Variants in MGST1 observed in about 807,000 individuals in gnomAD.
The protein encoded by MGST1 is microsomal glutathione S-transferase 1, also known as glutathione S-transferase 12.
Under a neutral mutation model 8.9 loss-of-function variants are expected in MGST1, and 5 were observed. The ratio of observed to expected loss-of-function variants is 0.56; its 90% CI spans 0.29 to 1.19. The LOEUF (loss-of-function observed/expected upper bound fraction) is 1.19. MGST1 is among the 50% of genes most tolerant of loss of function. The pLI, the probability that MGST1 is intolerant of heterozygous loss-of-function variation, is 0.08. For missense variants in MGST1, 182 were observed against 187.4 expected, an observed-to-expected ratio of 0.97 and a Z score of 0.17; for synonymous variants, 54 against 67.8, an observed-to-expected ratio of 0.80 and a Z score of 1.00.
Position 16,555,969 on chromosome 12 carries a change from C to T in MGST1, n.483-33559C>T, listed in dbSNP as rs193072279. 2.1e-3 allele frequency among the ~76,000 whole-genome samples: 322 copies of T among 152,208 alleles called. No individual in the cohort carries two copies. Among genetic ancestry groups the T allele is most frequent in the Non-Finnish European group, 3.5e-3 (240 of 68,008 alleles). On this transcript the variant is annotated intron_variant and non_coding_transcript_variant, in intron 4 of 4. Transcript: ENST00000538857. This position sits in a 1 kb window ranked among gnomAD's most constrained non-coding sequence, Gnocchi z 5.5. ...ATGGCTCTCTCTTCCCTCAGTATAGCTCTATTTAGCATCGATTACACTCTT... is the reference window on the plus strand; with the variant it reads ...ATGGCTCTCTCTTCCCTCAGTATAGTTCTATTTAGCATCGATTACACTCTT...
chr12:16,571,021 C>T lies in MGST1; in HGVS notation n.483-18507C>T, dbSNP rs1047720892. ...CACATTGTGCACATGTACCCTAAAA[C>T]TTAAAGTATAATAATAATAAATTTT... On this transcript the variant is annotated intron_variant and non_coding_transcript_variant, in intron 4 of 4. Coordinates refer to the MGST1 transcript ENST00000538857. Among the ~76,000 whole-genome samples the T allele has an allele frequency of 4.3e-4, 66 of 151,990 alleles. 1 individual carries two copies. The highest frequency in any genetic ancestry group is 4.4e-5 in the Non-Finnish European group (3 of 67,966).
At chr12:16,433,773 T>C (rs995104400) in intron 1 of MGST1, among the ~76,000 whole-genome samples, 1 of 151,978 alleles carries the variant, frequency 6.6e-6, no homozygotes, top group Middle Eastern at 3.2e-3. Flanking sequence ...CACATACACA[T>C]CCCAATCCAA....
chr12:16,580,753 G>C (rs906209150), intron 4 of MGST1, among the ~76,000 whole-genome samples: 2 of 152,164 alleles, frequency 1.3e-5, no homozygotes, highest in African/African-American at 4.8e-5. Flanking sequence ...GTAGGTTCTG[G>C]TAGAATCATG....
intron 4 of MGST1, among the ~76,000 whole-genome samples, chr12:16,566,117 C>A (rs1344200433): frequency 6.9e-6 from 1 of 144,738 alleles, no homozygotes. Context: ...TGGAGGGCAT[C>A]ATGTTAAATG....
At chr12:16,356,649 G>A (rs901862490) in intron 2 of MGST1, among the ~76,000 whole-genome samples, 5 of 152,300 alleles carry the variant, frequency 3.3e-5, no homozygotes, top group Non-Finnish European at 7.4e-5. Context: ...CAAGTTTCAA[G>A]GGATGGGGAA....
intron 2 of MGST1, among the ~76,000 whole-genome samples, chr12:16,357,200 T>G (rs759566905): frequency 9.2e-5 from 14 of 152,234 alleles, no homozygotes; most frequent in Non-Finnish European, 2.1e-4. Flanking sequence ...TGTCTATATT[T>G]CTTCCACTAA....
At chr12:16,357,328 C>G (rs1160889345) in intron 2 of MGST1, among the ~76,000 whole-genome samples, 1 of 152,152 alleles carries the variant, frequency 6.6e-6, no homozygotes, top group African/African-American at 2.4e-5. Flanking sequence ...GGTGCAATCA[C>G]AGCTCACTGC....
rs1942155201 is a variant in MGST1, at chr12:16,555,340, CT to C, written n.483-34186del. ...GCTTATTCTGATGTTTCCCAAAGCA[CT>C]TATTTATTGGTGTATTGTTTATTTT... On this transcript the variant is annotated intron_variant and non_coding_transcript_variant, in intron 4 of 4. Transcript: ENST00000538857. This position sits in a 1 kb window ranked among gnomAD's most constrained non-coding sequence, Gnocchi z 5.5. Among the ~76,000 whole-genome samples, 1 of 152,152 alleles carries C rather than the reference CT, an allele frequency of 6.6e-6. No homozygotes were observed. The highest frequency in any genetic ancestry group is 1.5e-5 in the Non-Finnish European group (1 of 68,020).
exon 2 of MGST1, chr12:16,437,484 T>G (rs1940997194): frequency 6.6e-6 from 1 of 151,974 alleles, no homozygotes; most frequent in African/African-American, 2.4e-5. Context: ...CTCAACATTC[T>G]GCAGTCTTCA....
rs926074846 is a variant in MGST1 at position 16,584,139 on chromosome 12, G to A, written n.483-5389G>A. 1.3e-5 allele frequency among the ~76,000 whole-genome samples: 2 copies of A among 152,176 alleles called. No individual in the cohort carries two copies. Among genetic ancestry groups the A allele is most frequent in the Non-Finnish European group, 2.9e-5 (2 of 68,030 alleles). On this transcript the variant is annotated intron_variant and non_coding_transcript_variant, in intron 4 of 4. Transcript: ENST00000538857. This position sits in a 1 kb window ranked among gnomAD's most constrained non-coding sequence, Gnocchi z 5.2. The stretch of plus-strand genomic sequence containing the variant: ...TTTAGAATCCCTAGAATTGTGGTAA[G>A]AGGGAAATGACAGCAGTGAGTAGGG...
chr12:16,355,025 G>A (rs1013240821), intron 2 of MGST1, among the ~76,000 whole-genome samples: 4 of 151,916 alleles, frequency 2.6e-5, no homozygotes, highest in African/African-American at 7.2e-5. Flanking sequence ...CTTGAAGCGC[G>A]TAGAGCGAGG....
At chr12:16,428,350 C>T (rs931093204) in intron 1 of MGST1, among the ~76,000 whole-genome samples, 4 of 151,684 alleles carry the variant, frequency 2.6e-5, no homozygotes, top group Non-Finnish European at 5.9e-5. Context: ...AAGTAAAGTG[C>T]ATTTTCCTAA....
At chr12:16,465,051 G>T (rs556283963) in intron 4 of MGST1, among the ~76,000 whole-genome samples, 1 of 152,286 alleles carries the variant, frequency 6.6e-6, no homozygotes, top group East Asian at 1.9e-4. Flanking sequence ...GAAGAGAAGT[G>T]TGCATGACCA....
exon 2 of MGST1, chr12:16,438,481 G>T (rs1354546161): frequency 6.6e-6 from 1 of 151,828 alleles, no homozygotes; most frequent in Non-Finnish European, 1.5e-5. Context: ...GGTGATTTTA[G>T]GGGTTAACAT....
intron 4 of MGST1, among the ~76,000 whole-genome samples, chr12:16,460,695 C>A (rs1191123289): frequency 6.6e-6 from 1 of 151,090 alleles, no homozygotes; most frequent in Non-Finnish European, 1.5e-5. Flanking sequence ...GCTCCATCAT[C>A]AACAATGTTA....
In MGST1 at chr12:16,482,389, T is replaced by A. The variant is rs1368841089; in HGVS notation, n.482+98785T>A. Among the ~76,000 whole-genome samples, 2 of 152,072 alleles carry A rather than the reference T, an allele frequency of 1.3e-5. No homozygotes were observed. Among genetic ancestry groups the A allele is most frequent in the Non-Finnish European group, 2.9e-5 (2 of 68,010 alleles). ...GGCTCACGCCTGTAATCTTAGCACT[T>A]TAGGAGGCCAAGACAGGTGGATCAC... On this transcript the variant is annotated intron_variant and non_coding_transcript_variant, in intron 4 of 4. Transcript: ENST00000538857. This position sits in a 1 kb window ranked among gnomAD's most constrained non-coding sequence, Gnocchi z 4.2.
At chr12:16,360,334 C>T (rs925178792) in intron 3 of MGST1, 2 of 984,894 alleles carry the variant, frequency 2.0e-6, no homozygotes, top group African/African-American at 1.7e-5. Context: ...CATATTTGAA[C>T]GGCAGAGCCA....
intron 4 of MGST1, among the ~76,000 whole-genome samples, chr12:16,571,379 T>C (rs1429559050): frequency 6.6e-6 from 1 of 152,136 alleles, no homozygotes; most frequent in East Asian, 1.9e-4. Context: ...AAAGCAAATT[T>C]AATATCCAAC....
chr12:16,579,486 C>T (rs1649092184), intron 4 of MGST1, among the ~76,000 whole-genome samples: 1 of 152,112 alleles, frequency 6.6e-6, no homozygotes, highest in Admixed American at 6.5e-5. Context: ...GCTTAAAAGC[C>T]AACGCAGATG....
Sources: allele counts gnomAD v4.1 joint callset (sites outside exome capture counted in the v4.1 genomes callset), GRCh38; gene constraint gnomAD v4.1.1; non-coding constraint Gnocchi (gnomAD v3.1); transcripts MANE v1.5; gene names NCBI Gene and HGNC (gene_info 2026-07-23, HGNC 2026-07-21).